RNF145: variants seen among roughly 807,000 people sequenced by gnomAD.
The protein encoded by RNF145 is ring finger protein 145.
In RNF145, 12 loss-of-function variants were observed where a neutral mutation model predicts 57.3. The ratio of observed to expected loss-of-function variants is 0.21; its 90% CI spans 0.13 to 0.34. The LOEUF (loss-of-function observed/expected upper bound fraction) is 0.34, where lower values mean the gene tolerates loss of function less well. Among genes scored for constraint, RNF145 ranks in the 10% least tolerant of loss-of-function variants. The pLI is 1.00. For synonymous variants in RNF145, 262 were observed against 288.3 expected (o/e 0.91, Z 0.92); for missense variants, 429 against 799.0 (o/e 0.54, Z 5.58).
intron 3 of RNF145, among the ~76,000 whole-genome samples, chr5:159,185,565 T>C (rs531770746): frequency 6.6e-6 from 1 of 152,286 alleles, no homozygotes; most frequent in East Asian, 1.9e-4. Flanking sequence ...AAAGTGGGAA[T>C]TATCCAAAAT....
intron 2 of RNF145, 42 bp downstream of exon 2, chr5:159,203,392 A>T: frequency 2.2e-6 from 3 of 1,339,584 alleles, no homozygotes; most frequent in Non-Finnish European, 3.2e-6. Flanking sequence ...CATAAATCAG[A>T]ATGCTCACTA....
At position 159,161,012 on chromosome 5, in the gene RNF145, T is replaced by C. The variant is rs202206978; in HGVS notation, c.1626+254A>G. ...AATATAAAATGCACCTGACCTGTTT[T>C]TCCTTTATTTATGGGTGAGCAATAA... On this transcript the variant is annotated intron_variant, in intron 10 of 10. Transcript: ENST00000424310. The C allele has an allele frequency of 1.5e-4, 56 of 364,758 alleles. No homozygotes were observed. In the East Asian group the frequency reaches 2.6e-3, roughly 17 times the overall value. 22.6% of individuals were successfully genotyped at this position (364,758 alleles called of 1,614,324 possible). A position where few individuals can be genotyped will look rare whatever the true frequency, so the allele number is the denominator to read the frequency against.
At chr5:159,207,385 C>A in intron 1 of RNF145, 3 of 791,508 alleles carry the variant, frequency 3.8e-6, no homozygotes, top group Non-Finnish European at 5.8e-6. Flanking sequence ...AAAGAAAAAA[C>A]AAGAATGACA....
chr5:159,168,800 A>C lies in RNF145; in HGVS notation c.1121+73T>G, dbSNP rs1784461765. On this transcript the variant is annotated intron_variant, in intron 8 of 10. Coordinates refer to ENST00000424310, the MANE Select transcript of RNF145 (RefSeq NM_001199383.2). ...CATTTTCTGTCTCTAAATATTCCCT[A>C]AATATTTAGACAACAAATGCATGTA... 25 of 971,480 alleles carry C rather than the reference A, an allele frequency of 2.6e-5. 1 individual carries two copies. In the South Asian group the frequency reaches 7.5e-4, roughly 29 times the overall value. 60.2% of individuals were successfully genotyped at this position (971,480 alleles called of 1,614,324 possible). A position where few individuals can be genotyped will look rare whatever the true frequency, so the allele number is the denominator to read the frequency against.
At chr5:159,184,759 CCTTTT>C (rs1411058751) in intron 3 of RNF145, among the ~76,000 whole-genome samples, 1 of 152,022 alleles carries the variant, frequency 6.6e-6, no homozygotes, top group Non-Finnish European at 1.5e-5. Flanking sequence ...TTAACTATTT[CCTTTT>C]CTTTTATCCA....
rs1784917032 is a variant in RNF145 at position 159,182,200 on chromosome 5, ATC to A, written c.294-151_294-150del. 4 of 448,352 alleles carry A rather than the reference ATC, an allele frequency of 8.9e-6. No homozygotes were observed. In the South Asian group the frequency reaches 1.6e-4, roughly 18 times the overall value. 27.8% of individuals were successfully genotyped at this position (448,352 alleles called of 1,614,324 possible). On this transcript the variant is annotated intron_variant, in intron 3 of 10. Transcript: ENST00000424310. ...GAAGAATTATATATAAATGGCCTTC[ATC>A]TCTGTTTTCTGTGCACTAGAAACAG...
chr5:159,161,749 T>C, intron 9 of RNF145, 127 bp from the exon 10 acceptor site: 1 of 581,422 alleles, frequency 1.7e-6, no homozygotes, highest in Non-Finnish European at 3.0e-6. Context: ...CAGAAGAGTA[T>C]CCAGGGGAAA....
intron 2 of RNF145, among the ~76,000 whole-genome samples, chr5:159,199,275 A>G (rs1172820067): frequency 6.6e-6 from 1 of 152,184 alleles, no homozygotes; most frequent in African/African-American, 2.4e-5. Flanking sequence ...TCACCCAAAC[A>G]ACAAAAGATT....
At chr5:159,161,957 T>C (rs1784231942) in intron 9 of RNF145, among the ~76,000 whole-genome samples, 1 of 152,188 alleles carries the variant, frequency 6.6e-6, no homozygotes, top group Non-Finnish European at 1.5e-5. Context: ...CCTCATCAAC[T>C]CCATCTTAAT....
intron 6 of RNF145, among the ~76,000 whole-genome samples, chr5:159,170,089 A>T (rs750543749): frequency 2.0e-5 from 3 of 152,220 alleles, no homozygotes; most frequent in Non-Finnish European, 4.4e-5. Flanking sequence ...AAATTCAAAG[A>T]GCCTAAATGT....
chr5:159,190,901 A>T (rs958871976), intron 3 of RNF145, among the ~76,000 whole-genome samples: 3 of 152,090 alleles, frequency 2.0e-5, no homozygotes, highest in African/African-American at 7.2e-5. Context: ...TTATACTAAG[A>T]GGAAAATATT....
intron 8 of RNF145, 130 bp from the exon 9 acceptor site, chr5:159,163,209 C>T: frequency 2.4e-6 from 2 of 820,492 alleles, no homozygotes; most frequent in Non-Finnish European, 3.9e-6. Context: ...TTCTCCATGC[C>T]AGTCACTGTA....
chr5:159,170,890 C>T (rs375423535), intron 6 of RNF145, among the ~76,000 whole-genome samples: 1 of 152,294 alleles, frequency 6.6e-6, no homozygotes, highest in African/African-American at 2.4e-5. Flanking sequence ...TGCTCCCAGC[C>T]CTTATATAGT....
chr5:159,161,115 TCA>T (rs1339424373), intron 10 of RNF145, 149 bp downstream of exon 10: 1 of 545,946 alleles, frequency 1.8e-6, no homozygotes, highest in Non-Finnish European at 3.3e-6. Context: ...AAATATTTTA[TCA>T]GGTCTTTAAT....
chr5:159,199,389 GA>G (rs66787021), intron 2 of RNF145, among the ~76,000 whole-genome samples: 102,888 of 140,810 alleles, frequency 0.73, 37,563 homozygotes, highest in African/African-American at 0.88. Context: ...GAAAAATCAG[GA>G]AAAAAAAAAA....
At chr5:159,190,605 T>TGGAACTCAAGGTGGGA (rs1562068011) in intron 3 of RNF145, among the ~76,000 whole-genome samples, 8 of 147,274 alleles carry the variant, frequency 5.4e-5, no homozygotes, top group Non-Finnish European at 1.2e-4. Flanking sequence ...GTGGGAGAAG[T>TGGAACTCAAGGTGGGA]GCTTGAGTTC....
At chr5:159,200,601 A>G (rs545939535) in intron 2 of RNF145, among the ~76,000 whole-genome samples, 2 of 152,332 alleles carry the variant, frequency 1.3e-5, no homozygotes, top group East Asian at 1.9e-4. Context: ...AATTCTTTAT[A>G]AACTCAAGAA....
chr5:159,205,223 G>A (rs911061405), intron 1 of RNF145, among the ~76,000 whole-genome samples: 1 of 152,016 alleles, frequency 6.6e-6, no homozygotes, highest in African/African-American at 2.4e-5. Flanking sequence ...TTATAGATAA[G>A]TACTGCAATT....
chr5:159,193,558 G>A (rs1785356604), intron 3 of RNF145, among the ~76,000 whole-genome samples: 1 of 152,118 alleles, frequency 6.6e-6, no homozygotes, highest in Admixed American at 6.5e-5. Flanking sequence ...CACAGAAGTG[G>A]TGAGAATTGA....
Sources: allele counts gnomAD v4.1 joint callset (sites outside exome capture counted in the v4.1 genomes callset), GRCh38; gene constraint gnomAD v4.1.1; transcripts MANE v1.5; gene names NCBI Gene and HGNC (gene_info 2026-07-23, HGNC 2026-07-21).